AKAP13: variants seen among roughly 807,000 people sequenced by gnomAD.
AKAP13 encodes A-kinase anchoring protein 13.
AKAP13 carries 80 observed loss-of-function variants against 264.5 expected under a neutral mutation model. The ratio of observed to expected loss-of-function variants is 0.30; its 90% CI spans 0.25 to 0.36. The LOEUF (loss-of-function observed/expected upper bound fraction) is 0.36, where lower values mean the gene tolerates loss of function less well. Among genes scored for constraint, AKAP13 ranks in the 10% least tolerant of loss-of-function variants. AKAP13 has a pLI of 1.00. For missense variants in AKAP13, 3,712 were observed against 3,435.2 expected, an observed-to-expected ratio of 1.08 and a Z score of -2.01; for synonymous variants, 1,380 against 1,250.2, an observed-to-expected ratio of 1.10 and a Z score of -2.19.
intron 33 of AKAP13, among the ~76,000 whole-genome samples, chr15:85,739,495 C>G (rs1389129197): frequency 6.6e-6 from 1 of 151,874 alleles, no homozygotes; most frequent in African/African-American, 2.4e-5. Flanking sequence ...CTATGAGAGC[C>G]TTTTTTAAAT....
At chr15:85,605,124 AG>A (rs11320127) in intron 8 of AKAP13, among the ~76,000 whole-genome samples, 94,786 of 151,980 alleles carry the variant, frequency 0.62, 29,696 homozygotes, top group Middle Eastern at 0.73. Context: ...AGCGCTTTGC[AG>A]GGCTTCTGAG....
At chr15:85,586,937 AAAATAAG>A (rs1021497923) in intron 8 of AKAP13, among the ~76,000 whole-genome samples, 12 of 116,312 alleles carry the variant, frequency 1.0e-4, no homozygotes, top group African/African-American at 3.9e-4. Flanking sequence ...CAAAAAAAAA[AAAATAAG>A]AGAATAAAAG....
rs927965702 is a variant in AKAP13, at chr15:85,575,027, C to T, written c.663-104C>T. The stretch of plus-strand genomic sequence containing the variant: ...TATATACTAATTTTTGCTGTTGAAC[C>T]TCAAAGAACAATCAGGTTAGAAATA... On this transcript the variant is annotated intron_variant, in intron 5 of 36. Transcript: ENST00000394518. 6 of 1,153,684 alleles carry T rather than the reference C, an allele frequency of 5.2e-6. No individual in the cohort carries two copies. In the African/African-American group the frequency reaches 7.7e-5, roughly 15 times the overall value. 71.5% of individuals were successfully genotyped at this position (1,153,684 alleles called of 1,614,324 possible).
At chr15:85,734,435 C>T (rs1032868304) in intron 30 of AKAP13, among the ~76,000 whole-genome samples, 2 of 152,036 alleles carry the variant, frequency 1.3e-5, no homozygotes, top group Non-Finnish European at 1.5e-5. Flanking sequence ...TGGTTCCCTC[C>T]CTTATTCCAC....
At chr15:85,485,329 C>G (rs7168995) in intron 1 of AKAP13, among the ~76,000 whole-genome samples, 123,147 of 152,154 alleles carry the variant, frequency 0.81, 50,391 homozygotes, top group Non-Finnish European at 0.86. Context: ...AGTAAGACTG[C>G]AAGAAGTCCC....
At chr15:85,530,375 TTG>T (rs986114237) in intron 3 of AKAP13, among the ~76,000 whole-genome samples, 3 of 152,202 alleles carry the variant, frequency 2.0e-5, no homozygotes, top group African/African-American at 7.2e-5. Flanking sequence ...TTTAGTGGTA[TTG>T]TGACTCCCTT....
chr15:85,664,058 C>G (rs1331214624), intron 12 of AKAP13, among the ~76,000 whole-genome samples: 1 of 152,164 alleles, frequency 6.6e-6, no homozygotes, highest in African/African-American at 2.4e-5. Context: ...TGGGTGAAAG[C>G]ATACCTGTAA....
At chr15:85,431,792 CAATT>C (rs562771767) in intron 1 of AKAP13, among the ~76,000 whole-genome samples, 438 of 152,242 alleles carry the variant, frequency 2.9e-3, no homozygotes, top group Non-Finnish European at 5.2e-3. Context: ...ATATGAAACT[CAATT>C]AGATGGTAAA....
At position 85,703,851 on chromosome 15, in the gene AKAP13, A is replaced by ATAT. The variant is rs1376902995; in HGVS notation, c.5465-4168_5465-4167insTAT. ...GAGCAAGACTCCATCTCAAAAAAAA[A>ATAT]AAATATATATATATATATATACACA... On this transcript the variant is annotated intron_variant, in intron 17 of 36. Transcript: ENST00000394518. Among the ~76,000 whole-genome samples the ATAT allele has an allele frequency of 2.4e-5, 3 of 122,534 alleles. No individual in the cohort carries two copies. The South Asian group carries it at 6.8e-4, about 28-fold the overall frequency. The allele number at this position is 122,534 out of a possible 152,430, so 80.4% of individuals were successfully genotyped here.
Position 85,591,724 on chromosome 15 carries a change from A to T in AKAP13, c.4161+5901A>T, listed in dbSNP as rs138096242. Among the ~76,000 whole-genome samples, 360 of 152,216 alleles carry T rather than the reference A, an allele frequency of 2.4e-3. 6 individuals are homozygous for T. The highest frequency in any genetic ancestry group is 8.0e-3 in the African/African-American group (334 of 41,534). ...CAAACCAATATCGTATGTTGTAGGG[A>T]TCTTTTCTCTTCAAGATATGGCCAA... On this transcript the variant is annotated intron_variant, in intron 8 of 36. Transcript: ENST00000394518.
At chr15:85,738,620 T>C (rs1054049283) in intron 33 of AKAP13, among the ~76,000 whole-genome samples, 2 of 151,782 alleles carry the variant, frequency 1.3e-5, no homozygotes, top group South Asian at 2.1e-4. Context: ...GGGTGGATCA[T>C]GAGGTCAGGA....
intron 8 of AKAP13, among the ~76,000 whole-genome samples, chr15:85,637,999 AC>A (rs58575877): frequency 0.27 from 40,623 of 148,870 alleles, 7,860 homozygotes; most frequent in East Asian, 0.57. Context: ...CAGCCTCCTG[AC>A]CCTGAGTAGC....
In AKAP13 at chr15:85,687,842, C is replaced by T. The variant is rs144344308; in HGVS notation, c.5289+2969C>T. Reference sequence around the variant, plus strand: ...TCACTTGAGACCAGGAGTTCAAGGTCAGCCTGGGCAGTATAGTGAGACCTC... The same window carrying T: ...TCACTTGAGACCAGGAGTTCAAGGTTAGCCTGGGCAGTATAGTGAGACCTC... On this transcript the variant is annotated intron_variant, in intron 16 of 36. Coordinates refer to ENST00000394518, the MANE Select transcript of AKAP13 (RefSeq NM_007200.5). Among the ~76,000 whole-genome samples, 29 of 152,106 alleles carry T rather than the reference C, an allele frequency of 1.9e-4. 1 individual carries two copies. In the East Asian group the frequency reaches 3.3e-3, roughly 17 times the overall value.
At chr15:85,507,407 C>T (rs956160339) in intron 2 of AKAP13, among the ~76,000 whole-genome samples, 4 of 145,328 alleles carry the variant, frequency 2.8e-5, no homozygotes, top group African/African-American at 5.0e-5. Flanking sequence ...ACATAAGAAA[C>T]GAGTAGTTGC....
At position 85,546,412 on chromosome 15, in the gene AKAP13, G is replaced by T. The variant is rs973772062; in HGVS notation, c.662+2457G>T. ...CCATCACAGATAAATGGACAATGTG[G>T]TATATTCATATAACGGAATACTACA... On this transcript the variant is annotated intron_variant, in intron 5 of 36. Transcript: ENST00000394518. Among the ~76,000 whole-genome samples the T allele has an allele frequency of 2.0e-5, 3 of 150,576 alleles. 1 individual carries two copies. Among genetic ancestry groups the T allele is most frequent in the South Asian group, 4.2e-4 (2 of 4,754 alleles).
At position 85,727,761 on chromosome 15, in the gene AKAP13, G is replaced by C. The variant is rs140478940; in HGVS notation, c.7087+298G>C. Among the ~76,000 whole-genome samples the C allele has an allele frequency of 2.6e-5, 4 of 152,138 alleles. No homozygotes were observed. The highest frequency in any genetic ancestry group is 9.7e-5 in the African/African-American group (4 of 41,418). On this transcript the variant is annotated intron_variant, in intron 29 of 36. Transcript: ENST00000394518. This position sits in a 1 kb window ranked among gnomAD's most constrained non-coding sequence, Gnocchi z 5.3. ...ACATTCTCTGTACTTTGTCACAGGC[G>C]AATTTGCCAAAATTTGTAGTCACAT...
chr15:85,425,573 C>T (rs565307812), intron 1 of AKAP13, among the ~76,000 whole-genome samples: 8 of 151,726 alleles, frequency 5.3e-5, no homozygotes, highest in Admixed American at 3.9e-4. Context: ...AAAAATCAGC[C>T]GATGTGGTGG....
At chr15:85,477,114 C>T (rs188499582) in intron 1 of AKAP13, among the ~76,000 whole-genome samples, 89 of 152,070 alleles carry the variant, frequency 5.9e-4, no homozygotes, top group African/African-American at 2.0e-3. Flanking sequence ...CTAGAACTCC[C>T]TAAAGTAAAG....
intron 33 of AKAP13, 63 bp downstream of exon 33, chr15:85,736,197 T>C (rs905577633): frequency 2.8e-5 from 40 of 1,410,092 alleles, no homozygotes; most frequent in Middle Eastern, 1.9e-4. Context: ...GTTAGGAATA[T>C]TGTTTTTTCC....
Sources: gnomAD v4.1 joint callset for allele counts (sites outside exome capture counted in the v4.1 genomes callset) on GRCh38, gnomAD v4.1.1 for gene constraint, Gnocchi (gnomAD v3.1) non-coding constraint, MANE v1.5 for transcripts, NCBI Gene and HGNC (gene_info 2026-07-23, HGNC 2026-07-21) for gene names.